The following CCND3 variants were observed in gnomAD, a reference collection of about 807,000 sequenced individuals.
The protein encoded by CCND3 is G1/S-specific cyclin-D3.
Under a neutral mutation model 28.7 loss-of-function variants are expected in CCND3, and 9 were observed. The ratio of observed to expected loss-of-function variants is 0.31; its 90% CI spans 0.19 to 0.55. The LOEUF (loss-of-function observed/expected upper bound fraction) is 0.55. Among genes scored for constraint, CCND3 ranks in the 20% least tolerant of loss-of-function variants. The pLI, the probability that CCND3 is intolerant of heterozygous loss-of-function variation, is 0.93. For missense variants in CCND3, 315 were observed against 385.8 expected (o/e 0.82, Z 1.54); for synonymous variants, 164 against 163.9 (o/e 1.00, Z 0.00).
intron 1 of CCND3, among the ~76,000 whole-genome samples, chr6:41,951,287 G>T (rs894283235): frequency 2.7e-5 from 4 of 150,722 alleles, no homozygotes; most frequent in Non-Finnish European, 4.4e-5. Flanking sequence ...CAGGCGCGGT[G>T]GCTCACGCCT....
At position 41,938,658 on chromosome 6, in the gene CCND3, G is replaced by A. The variant is rs1009316515; in HGVS notation, c.415-1264C>T. 3.3e-5 allele frequency among the ~76,000 whole-genome samples: 5 copies of A among 152,210 alleles called. No homozygotes were observed. Among genetic ancestry groups the A allele is most frequent in the African/African-American group, 4.8e-5 (2 of 41,442 alleles). ...CTTTCCCCATATCCAGGCAACCAGA[G>A]AATCCCAGTGTTAACTGGTGGAGAA... is the stretch of plus-strand genomic sequence containing the variant. On this transcript the variant is annotated intron_variant, in intron 2 of 4. Transcript: ENST00000372991. The surrounding 1 kb of genome is among the most constrained non-coding windows in gnomAD (Gnocchi z 4.6).
intron 1 of CCND3, among the ~76,000 whole-genome samples, chr6:41,983,270 C>T (rs1363452520): frequency 1.3e-5 from 2 of 150,720 alleles, no homozygotes. Context: ...CCCAGCTACT[C>T]GGGAGGCTGA....
intron 1 of CCND3, among the ~76,000 whole-genome samples, chr6:41,995,682 C>T (rs182680744): frequency 1.3e-5 from 2 of 152,298 alleles, no homozygotes; most frequent in East Asian, 1.9e-4. Flanking sequence ...AAAATGTTAG[C>T]ACTGAGTTGT....
At chr6:42,026,695 T>C (rs906951822) in intron 1 of CCND3, among the ~76,000 whole-genome samples, 3 of 152,196 alleles carry the variant, frequency 2.0e-5, no homozygotes, top group African/African-American at 7.2e-5. Context: ...CCAAACTCCC[T>C]GTCAGCTAAG....
In CCND3 at chr6:42,034,468, CTTTTTTTTTTTTTTT is replaced by C. The variant is rs34822771; in HGVS notation, c.-46+14018_-46+14032del. 1.4e-4 allele frequency among the ~76,000 whole-genome samples: 7 copies of C among 50,978 alleles called. 1 individual carries two copies. The highest frequency in any genetic ancestry group is 5.7e-4 in the Admixed American group (2 of 3,534). The allele number at this position is 50,978 out of a possible 152,430, so 33.4% of individuals were successfully genotyped here. On this transcript the variant is annotated intron_variant, in intron 1 of 4. Transcript: ENST00000372988. ...ACCGTGCCTGGCCAACCCTGTCACT[CTTTTTTTTTTTTTTT>C]TTTTTTTTTTTTTGAGATGGAGTCT...
chr6:41,995,331 C>T (rs9381112), intron 1 of CCND3, among the ~76,000 whole-genome samples: 17,080 of 151,990 alleles, frequency 0.11, 1,091 homozygotes, highest in East Asian at 0.25. Context: ...GATCTCAGCG[C>T]GCTGCCACCT....
At chr6:41,957,500 G>A (rs545155524) in intron 1 of CCND3, among the ~76,000 whole-genome samples, 15 of 152,276 alleles carry the variant, frequency 9.9e-5, no homozygotes, top group African/African-American at 2.4e-4. Context: ...CATGAAGCTC[G>A]CAGGGTGTGG....
chr6:41,964,509 T>A (rs952844823), intron 1 of CCND3, among the ~76,000 whole-genome samples: 51 of 152,078 alleles, frequency 3.4e-4, no homozygotes, highest in African/African-American at 1.2e-3. Context: ...AGTGTGTGTG[T>A]GTGTGAGTGT....
At chr6:42,037,410 G>A (rs1188879016) in intron 1 of CCND3, among the ~76,000 whole-genome samples, 1 of 150,660 alleles carries the variant, frequency 6.6e-6, no homozygotes, top group East Asian at 2.0e-4. Context: ...GCTAATTTTT[G>A]TATTTTTAGT....
chr6:41,964,315 A>C (rs1349427132), intron 1 of CCND3, among the ~76,000 whole-genome samples: 1 of 147,692 alleles, frequency 6.8e-6, no homozygotes, highest in African/African-American at 2.5e-5. Flanking sequence ...AATGTGTGTG[A>C]GTCTGTGTGT....
intron 1 of CCND3, among the ~76,000 whole-genome samples, chr6:42,002,554 T>G (rs1582150619): frequency 6.6e-6 from 1 of 151,880 alleles, no homozygotes; most frequent in African/African-American, 2.4e-5. Context: ...CTTAAGTGCA[T>G]GTATTAGAAA....
chr6:41,972,893 A>AAT lies in CCND3; in HGVS notation c.-45-32310_-45-32309dup, dbSNP rs577182754. Among the ~76,000 whole-genome samples, 141 of 149,836 alleles carry AAT rather than the reference A, an allele frequency of 9.4e-4. No individual in the cohort carries two copies. The South Asian group carries it at 0.017, about 18-fold the overall frequency. On this transcript the variant is annotated intron_variant, in intron 1 of 4. Coordinates refer to the CCND3 transcript ENST00000372988. ...TATATATATATATTTAAAAATTAAAAATATATATATATATGACTGAGTTGG... is the reference window on the plus strand; with the variant it reads ...TATATATATATATTTAAAAATTAAAAATATATATATATATATGACTGAGTTGG...
At chr6:42,010,045 G>A (rs1384396873) in intron 1 of CCND3, among the ~76,000 whole-genome samples, 1 of 152,146 alleles carries the variant, frequency 6.6e-6, no homozygotes, top group African/African-American at 2.4e-5. Context: ...GTGGATTTGG[G>A]TGTGATTTCT....
chr6:41,959,679 T>TCCGTCTCAAAAAAAAAAAAAAAA (rs772818142), intron 1 of CCND3, among the ~76,000 whole-genome samples: 70 of 147,186 alleles, frequency 4.8e-4, no homozygotes, highest in African/African-American at 1.3e-3. Context: ...ACAGCAAGAC[T>TCCGTCTCAAAAAAAAAAAAAAAA]AAATCAGGCC....
In CCND3 at chr6:41,935,950, A is replaced by T. The variant is rs1354292944; in HGVS notation, c.869T>A (p.Ile290Lys). The change falls in exon 5 of 5, where the codon ATA becomes AAA. Residue 290 changes from isoleucine to lysine, a missense_variant. By Grantham distance (102) the Ile-to-Lys change is moderately radical. Coordinates refer to ENST00000372991, the MANE Select transcript of CCND3 (RefSeq NM_001760.5). ...AGGGCCTCTCCAGGGCTACAGGTGTATGGCTGTGACATCTGTAGGAGTGCT... is the reference window on the plus strand; with the variant it reads ...AGGGCCTCTCCAGGGCTACAGGTGTTTGGCTGTGACATCTGTAGGAGTGCT... Reference protein sequence around the residue: ...QTSTPTDVTAIHL With the variant: ...QTSTPTDVTAKHL 6.2e-7 allele frequency: 1 copy of T among 1,610,942 alleles called. No individual in the cohort carries two copies. Among genetic ancestry groups the T allele is most frequent in the Non-Finnish European group, 8.5e-7 (1 of 1,178,866 alleles).
chr6:42,020,037 G>A (rs936248795), intron 1 of CCND3, among the ~76,000 whole-genome samples: 2 of 152,116 alleles, frequency 1.3e-5, no homozygotes, highest in African/African-American at 4.8e-5. Flanking sequence ...CCAGCACTTT[G>A]GGAGGCCGAG....
At chr6:42,018,227 C>CT (rs1312236232) in intron 1 of CCND3, among the ~76,000 whole-genome samples, 1 of 151,822 alleles carries the variant, frequency 6.6e-6, no homozygotes, top group Non-Finnish European at 1.5e-5. Context: ...GAGTCTTGCT[C>CT]TGTCACCCAG....
At chr6:41,951,563 C>T (rs1472891423) in intron 1 of CCND3, among the ~76,000 whole-genome samples, 4 of 76,988 alleles carry the variant, frequency 5.2e-5, no homozygotes, top group Non-Finnish European at 1.1e-4. Flanking sequence ...CACACACACA[C>T]ACACACACAC....
intron 1 of CCND3, among the ~76,000 whole-genome samples, chr6:41,949,218 A>G (rs1280626205): frequency 6.6e-6 from 1 of 152,296 alleles, no homozygotes; most frequent in Non-Finnish European, 1.5e-5. Context: ...GTGGTGGCTC[A>G]TGCCTGTAAT....
Sources: allele counts gnomAD v4.1 joint callset (sites outside exome capture counted in the v4.1 genomes callset), GRCh38; gene constraint gnomAD v4.1.1; non-coding constraint Gnocchi (gnomAD v3.1); transcripts MANE v1.5; gene names NCBI Gene and HGNC (gene_info 2026-07-23, HGNC 2026-07-21).